Variants in PCDH9 observed in about 807,000 individuals in gnomAD.
PCDH9 encodes the protein protocadherin 9.
PCDH9 carries 24 observed loss-of-function variants against 70.6 expected under a neutral mutation model. The ratio of observed to expected loss-of-function variants is 0.34; its 90% CI spans 0.25 to 0.48. The LOEUF is 0.48. Ranked by LOEUF, PCDH9 falls within the 20% of genes least tolerant of loss-of-function variation. The pLI is 0.99. For missense variants in PCDH9, 1,281 were observed against 1,503.6 expected, an observed-to-expected ratio of 0.85 and a Z score of 2.45; for synonymous variants, 562 against 558.5, an observed-to-expected ratio of 1.01 and a Z score of -0.09.
At chr13:66,747,760 T>C (rs189325516) in intron 3 of PCDH9, among the ~76,000 whole-genome samples, 95 of 152,288 alleles carry the variant, frequency 6.2e-4, no homozygotes, top group African/African-American at 2.2e-3. Context: ...TACACAGACA[T>C]AAATTCACTG....
chr13:66,895,994 T>A (rs1482021384), intron 3 of PCDH9, among the ~76,000 whole-genome samples: 2 of 152,190 alleles, frequency 1.3e-5, no homozygotes, highest in Non-Finnish European at 2.9e-5. Flanking sequence ...AAACAACTAA[T>A]TAGCAGGAGC....
chr13:66,716,946 C>T (rs558502779), intron 3 of PCDH9, among the ~76,000 whole-genome samples: 3 of 152,210 alleles, frequency 2.0e-5, no homozygotes, highest in African/African-American at 7.2e-5. Flanking sequence ...ATTGTATATA[C>T]TTCAGGCCTC....
intron 4 of PCDH9, among the ~76,000 whole-genome samples, chr13:66,583,613 C>CAA (rs879315168): frequency 7.5e-6 from 1 of 133,096 alleles, no homozygotes; most frequent in African/African-American, 2.8e-5. Context: ...GACTCCCTCT[C>CAA]AAAAAAAAAA....
intron 2 of PCDH9, among the ~76,000 whole-genome samples, chr13:66,922,781 G>C (rs1013667484): frequency 1.3e-5 from 2 of 151,392 alleles, no homozygotes; most frequent in Non-Finnish European, 3.0e-5. Flanking sequence ...TTAGAGTTAA[G>C]TTTTTCTTCA....
At chr13:66,989,688 T>C (rs2083963336) in intron 2 of PCDH9, among the ~76,000 whole-genome samples, 1 of 151,918 alleles carries the variant, frequency 6.6e-6, no homozygotes, top group Admixed American at 6.6e-5. Flanking sequence ...ATTTTAGATA[T>C]CTAAATTATT....
At chr13:67,168,968 G>A (rs2088202412) in intron 2 of PCDH9, among the ~76,000 whole-genome samples, 1 of 152,128 alleles carries the variant, frequency 6.6e-6, no homozygotes, top group Non-Finnish European at 1.5e-5. Context: ...CATTCCAGTA[G>A]ATGTTTAATA....
At chr13:66,667,222 G>A (rs1355677929) in intron 3 of PCDH9, among the ~76,000 whole-genome samples, 3 of 152,154 alleles carry the variant, frequency 2.0e-5, no homozygotes, top group Non-Finnish European at 4.4e-5. Context: ...GGGAAGAAAA[G>A]GCTGGAAGGA....
At chr13:66,899,640 T>C (rs2139589499) in intron 3 of PCDH9, among the ~76,000 whole-genome samples, 1 of 152,132 alleles carries the variant, frequency 6.6e-6, no homozygotes, top group Non-Finnish European at 1.5e-5. Flanking sequence ...CTGCTTGCAT[T>C]ATATACTGTT....
intron 4 of PCDH9, among the ~76,000 whole-genome samples, chr13:66,340,313 G>T (rs1441570190): frequency 6.6e-6 from 1 of 152,174 alleles, no homozygotes; most frequent in Non-Finnish European, 1.5e-5. Flanking sequence ...GAGAAAGGTA[G>T]ATTTGGGAGG....
intron 3 of PCDH9, among the ~76,000 whole-genome samples, chr13:66,789,706 A>C (rs569812643): frequency 6.6e-6 from 1 of 152,120 alleles, no homozygotes; most frequent in South Asian, 2.1e-4. Flanking sequence ...GGTCTTACTA[A>C]CATTTATCAA....
At chr13:66,370,081 C>T (rs1180771889) in intron 4 of PCDH9, among the ~76,000 whole-genome samples, 1 of 152,090 alleles carries the variant, frequency 6.6e-6, no homozygotes, top group East Asian at 1.9e-4. Context: ...CTTCACTGCA[C>T]TCAACACTGA....
At chr13:66,575,217 T>C (rs916657450) in intron 4 of PCDH9, among the ~76,000 whole-genome samples, 2 of 152,088 alleles carry the variant, frequency 1.3e-5, no homozygotes, top group African/African-American at 2.4e-5. Context: ...GTTGTTGTTG[T>C]TGTTAGGAAA....
At chr13:66,960,755 C>A (rs1421607347) in intron 2 of PCDH9, among the ~76,000 whole-genome samples, 2 of 152,096 alleles carry the variant, frequency 1.3e-5, no homozygotes, top group Non-Finnish European at 2.9e-5. Flanking sequence ...AGAAAATATT[C>A]TTCGAAGAGG....
chr13:67,176,341 C>G (rs1213586825), intron 2 of PCDH9, among the ~76,000 whole-genome samples: 1 of 152,040 alleles, frequency 6.6e-6, no homozygotes, highest in Non-Finnish European at 1.5e-5. Context: ...GTTCAATCCC[C>G]CATGCTTAAC....
chr13:66,547,184 A>G (rs773293042), intron 4 of PCDH9, among the ~76,000 whole-genome samples: 5 of 152,182 alleles, frequency 3.3e-5, no homozygotes, highest in Non-Finnish European at 7.3e-5. Context: ...TGTCAGCAGT[A>G]TTTGCTAACA....
intron 3 of PCDH9, among the ~76,000 whole-genome samples, chr13:66,650,699 T>C (rs1034298687): frequency 6.6e-6 from 1 of 151,942 alleles, no homozygotes; most frequent in Admixed American, 6.6e-5. Flanking sequence ...ATAGATATTA[T>C]ATAATATTTC....
Position 66,499,185 on chromosome 13 carries a change from C to T in PCDH9, c.3340+132025G>A, listed in dbSNP as rs374844398. 5.3e-5 allele frequency among the ~76,000 whole-genome samples: 8 copies of T among 150,854 alleles called. No homozygotes were observed. In the East Asian group the frequency reaches 5.8e-4, roughly 11 times the overall value. ...TTACATTTAAAACATAATACTACTA[C>T]GAATTGAAATTAAAAGAAAGATGAT... On this transcript the variant is annotated intron_variant, in intron 4 of 4. Coordinates refer to ENST00000377865, the MANE Select transcript of PCDH9 (RefSeq NM_203487.3).
intron 3 of PCDH9, among the ~76,000 whole-genome samples, chr13:66,653,986 A>AAAAAAG (rs2077890702): frequency 2.8e-5 from 4 of 141,530 alleles, no homozygotes; most frequent in Admixed American, 2.8e-4. Flanking sequence ...AAAAAAAAAA[A>AAAAAAG]TAGAAAGAAA....
intron 2 of PCDH9, among the ~76,000 whole-genome samples, chr13:66,945,179 TA>T (rs1220949897): frequency 1.3e-5 from 2 of 151,232 alleles, no homozygotes. Context: ...AGCCAGCTTT[TA>T]CCATCTGAGA....
Sources: gnomAD v4.1 joint callset for allele counts (sites outside exome capture counted in the v4.1 genomes callset) on GRCh38, gnomAD v4.1.1 for gene constraint, MANE v1.5 for transcripts, NCBI Gene and HGNC (gene_info 2026-07-23, HGNC 2026-07-21) for gene names.